Variants in CYTIP observed in about 807,000 individuals in gnomAD.
The protein encoded by CYTIP is cytohesin-interacting protein.
Under a neutral mutation model 43.8 loss-of-function variants are expected in CYTIP, and 26 were observed. The ratio of observed to expected loss-of-function variants is 0.59; its 90% CI spans 0.44 to 0.82. CYTIP has a LOEUF of 0.82. CYTIP is among the 40% of genes least tolerant of loss of function. The pLI, the probability that CYTIP is intolerant of heterozygous loss-of-function variation, is 0.00. For synonymous variants in CYTIP, 162 were observed against 162.9 expected (o/e 0.99, Z 0.04); for missense variants, 426 against 443.1 (o/e 0.96, Z 0.35).
At chr2:157,420,412 A>G (rs950245308) in intron 6 of CYTIP, among the ~76,000 whole-genome samples, 2 of 152,132 alleles carry the variant, frequency 1.3e-5, no homozygotes, top group Non-Finnish European at 2.9e-5. Flanking sequence ...GGTACTCGGG[A>G]GGCTGAGGCA....
intron 5 of CYTIP, 47 bp downstream of exon 5, chr2:157,430,512 G>C: frequency 6.5e-7 from 1 of 1,530,476 alleles, no homozygotes; most frequent in Non-Finnish European, 9.1e-7. Context: ...GGCTTTATGA[G>C]AAAACATAAC....
At chr2:157,418,122 C>T (rs1685465682) in intron 7 of CYTIP, among the ~76,000 whole-genome samples, 1 of 152,182 alleles carries the variant, frequency 6.6e-6, no homozygotes, top group Non-Finnish European at 1.5e-5. Flanking sequence ...AGGAGCTCTA[C>T]CCAATAAGTG....
At chr2:157,420,865 G>T (rs1254173606) in intron 6 of CYTIP, among the ~76,000 whole-genome samples, 1 of 152,078 alleles carries the variant, frequency 6.6e-6, no homozygotes, top group East Asian at 1.9e-4. Flanking sequence ...CATAGGGATA[G>T]GTCAACAGTA....
At chr2:157,439,884 T>C (rs1319432944) in intron 1 of CYTIP, among the ~76,000 whole-genome samples, 2 of 152,248 alleles carry the variant, frequency 1.3e-5, no homozygotes, top group Non-Finnish European at 2.9e-5. Flanking sequence ...GCAGTGATTC[T>C]ACACATTCCT....
chr2:157,433,645 T>C lies in CYTIP; in HGVS notation c.279+725A>G, dbSNP rs375657961. Among the ~76,000 whole-genome samples, 56 of 152,188 alleles carry C rather than the reference T, an allele frequency of 3.7e-4. 1 individual carries two copies. In the East Asian group the frequency reaches 0.01, roughly 28 times the overall value. On this transcript the variant is annotated intron_variant, in intron 3 of 7. Coordinates refer to ENST00000264192, the MANE Select transcript of CYTIP (RefSeq NM_004288.5). ...CTACTACTGTTGCACTTAATTGGGT[T>C]AGACTTCATTTGACCTACCTCACCC...
chr2:157,429,265 T>C (rs1335332363), intron 5 of CYTIP, among the ~76,000 whole-genome samples: 1 of 152,228 alleles, frequency 6.6e-6, no homozygotes, highest in Admixed American at 6.5e-5. Flanking sequence ...CCAAGCCCAT[T>C]GTGAGCACTC....
intron 1 of CYTIP, 96 bp from the exon 2 acceptor site, chr2:157,434,843 TCTCTCTCACACA>T (rs1341347829): frequency 5.0e-5 from 19 of 377,064 alleles, no homozygotes; most frequent in East Asian, 2.5e-4. Context: ...TCTCTCTCTC[TCTCTCTCACACA>T]CACACACACA....
At chr2:157,441,737 GCT>G (rs1308470511) in intron 1 of CYTIP, among the ~76,000 whole-genome samples, 5 of 151,798 alleles carry the variant, frequency 3.3e-5, no homozygotes, top group African/African-American at 1.2e-4. Flanking sequence ...CTTCACTCTG[GCT>G]TAAAACCAGA....
intron 6 of CYTIP, among the ~76,000 whole-genome samples, chr2:157,423,430 T>C (rs1418398339): frequency 6.7e-6 from 1 of 148,164 alleles, no homozygotes; most frequent in African/African-American, 2.4e-5. Flanking sequence ...ATTTAAAAAC[T>C]TTGTTAACAA....
intron 1 of CYTIP, among the ~76,000 whole-genome samples, chr2:157,435,653 G>A (rs530759527): frequency 1.3e-5 from 2 of 152,218 alleles, no homozygotes; most frequent in African/African-American, 4.8e-5. Context: ...TTCAGGAAAT[G>A]TTTATTAGCC....
chr2:157,442,098 C>T (rs1331926911), intron 1 of CYTIP, among the ~76,000 whole-genome samples: 1 of 152,194 alleles, frequency 6.6e-6, no homozygotes, highest in Non-Finnish European at 1.5e-5. Context: ...TATGCCTCAG[C>T]TTCAATTTCT....
rs752814561 is a variant in CYTIP, at chr2:157,434,427, G to A, written c.225-3C>T. On this transcript the variant is annotated splice_region_variant and splice_polypyrimidine_tract_variant and intron_variant, in intron 2 of 7. Transcript: ENST00000264192. ...GCTTCTCCACAGTAACAAGCTTTCT[G>A]TAATAAAAATGTTTAAAAAAGAAAC... 6.2e-6 allele frequency: 10 copies of A among 1,607,902 alleles called. No homozygotes were observed. Among genetic ancestry groups the A allele is most frequent in the South Asian group, 1.1e-5 (1 of 90,302 alleles).
In CYTIP at chr2:157,443,874, C is replaced by T; in HGVS notation, c.147G>A (p.Val49=). ...GCTTTCGTCCCCGAGGCAGAGTAGC[C>T]ACCGTGTCTGCTAGCATTTGAATCC... ...NRRIQMLADT[V]ATLPRGRKQL... is the part of the protein sequence containing the mutation. The change falls in exon 1 of 8, where the codon GTG becomes GTA. Residue 49 remains valine, a synonymous_variant. Transcript: ENST00000264192. 6.2e-7 allele frequency: 1 copy of T among 1,614,040 alleles called. No homozygotes were observed. Among genetic ancestry groups the T allele is most frequent in the East Asian group, 2.2e-5 (1 of 44,884 alleles).
intron 5 of CYTIP, among the ~76,000 whole-genome samples, chr2:157,429,639 T>C (rs1424190818): frequency 6.6e-6 from 1 of 152,214 alleles, no homozygotes; most frequent in Non-Finnish European, 1.5e-5. Context: ...AATTTCATCA[T>C]TTAACTATCC....
At chr2:157,418,612 A>G (rs1685475944) in intron 6 of CYTIP, 23 bp from the exon 7 acceptor site, 1 of 1,559,920 alleles carries the variant, frequency 6.4e-7, no homozygotes, top group Non-Finnish European at 8.6e-7. Flanking sequence ...AAAAAAAAAA[A>G]AAAAGTTTTT....
At chr2:157,417,608 A>G (rs1213155801) in intron 7 of CYTIP, among the ~76,000 whole-genome samples, 3 of 152,178 alleles carry the variant, frequency 2.0e-5, no homozygotes, top group Non-Finnish European at 2.9e-5. Flanking sequence ...TTCACTACCC[A>G]AAAGAACTAT....
At chr2:157,434,305 C>T in intron 3 of CYTIP, 65 bp downstream of exon 3, 1 of 1,249,994 alleles carries the variant, frequency 8.0e-7, no homozygotes, top group Non-Finnish European at 1.2e-6. Context: ...TTTCTTTGCA[C>T]ATAACATGAC....
chr2:157,418,703 A>G, intron 6 of CYTIP, 114 bp from the exon 7 acceptor site: 1 of 886,320 alleles, frequency 1.1e-6, no homozygotes, highest in South Asian at 2.0e-5. Context: ...CTTTCTTTCT[A>G]GTACTACCAT....
At chr2:157,420,228 C>T (rs1685497681) in intron 6 of CYTIP, among the ~76,000 whole-genome samples, 2 of 151,900 alleles carry the variant, frequency 1.3e-5, no homozygotes, top group South Asian at 2.1e-4. Context: ...CTTAAGAGGC[C>T]GAGGAGGCTG....
Sources: allele counts gnomAD v4.1 joint callset (sites outside exome capture counted in the v4.1 genomes callset), GRCh38; gene constraint gnomAD v4.1.1; transcripts MANE v1.5; gene names NCBI Gene and HGNC (gene_info 2026-07-23, HGNC 2026-07-21).